DLGAP1: variants seen among roughly 807,000 people sequenced by gnomAD.
DLGAP1 encodes disks large-associated protein 1.
A neutral mutation model predicts 90.8 loss-of-function variants in DLGAP1; 11 were observed. The ratio of observed to expected loss-of-function variants is 0.12; its 90% CI spans 0.08 to 0.20. The LOEUF (loss-of-function observed/expected upper bound fraction) is 0.20. DLGAP1 is among the 10% of genes least tolerant of loss of function. The probability of loss-of-function intolerance (pLI) is 1.00; values close to 1 mark genes in which losing one functional copy is unlikely to be tolerated. For missense variants in DLGAP1, 1,050 were observed against 1,333.8 expected (o/e 0.79, Z 3.31); for synonymous variants, 558 against 540.7 (o/e 1.03, Z -0.44).
At position 4,215,333 on chromosome 18, in the gene DLGAP1, C is replaced by T. The variant is rs567606394; in HGVS notation, c.-266-64046G>A. 2.6e-5 allele frequency among the ~76,000 whole-genome samples: 4 copies of T among 152,246 alleles called. No individual in the cohort carries two copies. In the East Asian group the frequency reaches 5.8e-4, roughly 22 times the overall value. ...GCTATTTTATGCAGCACTTATGTTG[C>T]TACCAATTATCTTTGTCAATATTTA... On this transcript the variant is annotated intron_variant, in intron 1 of 12. Coordinates refer to ENST00000315677, the MANE Select transcript of DLGAP1 (RefSeq NM_004746.4).
chr18:3,905,780 T>C (rs2071893102), intron 3 of DLGAP1, among the ~76,000 whole-genome samples: 1 of 152,206 alleles, frequency 6.6e-6, no homozygotes, highest in Non-Finnish European at 1.5e-5. Flanking sequence ...AGAGATATTC[T>C]GTGAGAAGAG....
At chr18:3,604,591 C>G (rs2057238174) in intron 7 of DLGAP1, among the ~76,000 whole-genome samples, 1 of 152,174 alleles carries the variant, frequency 6.6e-6, no homozygotes, top group Non-Finnish European at 1.5e-5. Context: ...CAAGCCAAAA[C>G]TCAGCATTAT....
chr18:4,234,535 T>C (rs1427869709), intron 1 of DLGAP1, among the ~76,000 whole-genome samples: 2 of 152,158 alleles, frequency 1.3e-5, no homozygotes, highest in Non-Finnish European at 1.5e-5. Context: ...ATAATTTACT[T>C]TGAAAGATTT....
intron 1 of DLGAP1, among the ~76,000 whole-genome samples, chr18:4,191,941 A>G (rs1003010138): frequency 5.9e-5 from 9 of 152,186 alleles, no homozygotes; most frequent in African/African-American, 2.2e-4. Context: ...CACCACATAT[A>G]TGCCCAATAA....
chr18:4,152,130 G>A (rs2076684719), intron 1 of DLGAP1, among the ~76,000 whole-genome samples: 1 of 152,102 alleles, frequency 6.6e-6, no homozygotes, highest in African/African-American at 2.4e-5. Flanking sequence ...CATAGAAAAG[G>A]ACCTGGGTCA....
At chr18:4,234,612 TTTG>T (rs1302818986) in intron 1 of DLGAP1, among the ~76,000 whole-genome samples, 5 of 152,214 alleles carry the variant, frequency 3.3e-5, no homozygotes, top group African/African-American at 1.2e-4. Flanking sequence ...ATACAGGCCT[TTTG>T]TTCTTCAAAT....
rs2059389798 is a variant in DLGAP1 at position 3,653,694 on chromosome 18, A to C, written c.1592-71446T>G. 1 of 152,216 alleles carries C rather than the reference A, an allele frequency of 6.6e-6. No homozygotes were observed. The highest frequency in any genetic ancestry group is 1.5e-5 in the Non-Finnish European group (1 of 68,042). The allele number at this position is 152,216 out of a possible 1,614,324, so 9.4% of individuals were successfully genotyped here. A position where few individuals can be genotyped will look rare whatever the true frequency, so the allele number is the denominator to read the frequency against. On this transcript the variant is annotated intron_variant, in intron 7 of 12. Transcript: ENST00000315677. The surrounding 1 kb of genome is among the most constrained non-coding windows in gnomAD (Gnocchi z 4.6). ...CAATTATTTTTCCTTGAAAAGAATA[A>C]GAGAATCTACCTAAAATATTAATAC...
chr18:3,828,810 AC>A (rs1296151730), intron 4 of DLGAP1, among the ~76,000 whole-genome samples: 1 of 152,114 alleles, frequency 6.6e-6, no homozygotes, highest in African/African-American at 2.4e-5. Context: ...AATATCTATG[AC>A]CCAAAGTCGA....
At chr18:4,235,717 G>GTTTTTTTTT (rs2078395182) in intron 1 of DLGAP1, among the ~76,000 whole-genome samples, 2 of 101,606 alleles carry the variant, frequency 2.0e-5, no homozygotes, top group African/African-American at 7.5e-5. Flanking sequence ...CAATTTCAAT[G>GTTTTTTTTT]TCTTTTTTTT....
At chr18:3,731,271 TTC>T (rs1159460676) in intron 6 of DLGAP1, among the ~76,000 whole-genome samples, 1 of 152,282 alleles carries the variant, frequency 6.6e-6, no homozygotes, top group South Asian at 2.1e-4. Flanking sequence ...AGCAAAATAT[TTC>T]TGTCAAGGTA....
intron 7 of DLGAP1, among the ~76,000 whole-genome samples, chr18:3,639,976 G>C (rs927187617): frequency 6.6e-6 from 1 of 151,292 alleles, no homozygotes; most frequent in Non-Finnish European, 1.5e-5. Flanking sequence ...GGATGGTCTC[G>C]ATCTCCTGAC....
chr18:4,430,504 G>GTGTGTC (rs2083264363), intron 1 of DLGAP1: 1 of 129,464 alleles, frequency 7.7e-6, no homozygotes, highest in Admixed American at 7.2e-5. Flanking sequence ...TTGTGTGTCT[G>GTGTGTC]TGTGTGTGTG....
chr18:4,195,765 C>A (rs893188615), intron 1 of DLGAP1, among the ~76,000 whole-genome samples: 5 of 152,096 alleles, frequency 3.3e-5, no homozygotes, highest in African/African-American at 1.2e-4. Flanking sequence ...GTTGGTCAGG[C>A]TGGTCTCGAA....
At chr18:3,876,524 C>T (rs1485226521) in intron 4 of DLGAP1, among the ~76,000 whole-genome samples, 1 of 152,078 alleles carries the variant, frequency 6.6e-6, no homozygotes, top group Admixed American at 6.6e-5. Context: ...CAATGTAGGA[C>T]AGAATATGTT....
At chr18:3,551,628 T>C (rs1419499992) in intron 9 of DLGAP1, among the ~76,000 whole-genome samples, 9 of 74,970 alleles carry the variant, frequency 1.2e-4, no homozygotes, top group Non-Finnish European at 2.5e-4. Context: ...TTTTTCTTTC[T>C]TTCTTTCCTT....
At chr18:4,050,574 T>C (rs953127581) in intron 2 of DLGAP1, among the ~76,000 whole-genome samples, 2 of 152,228 alleles carry the variant, frequency 1.3e-5, no homozygotes, top group African/African-American at 4.8e-5. Context: ...TAATACTCAA[T>C]GGAAACTTGC....
chr18:4,054,327 T>G (rs1487838509), intron 2 of DLGAP1, among the ~76,000 whole-genome samples: 1 of 152,178 alleles, frequency 6.6e-6, no homozygotes, highest in Non-Finnish European at 1.5e-5. Context: ...TTTTTCTCAA[T>G]AATTTTAATG....
chr18:3,955,509 C>T (rs1599215284), intron 3 of DLGAP1, among the ~76,000 whole-genome samples: 4 of 151,710 alleles, frequency 2.6e-5, no homozygotes, highest in Non-Finnish European at 2.9e-5. Flanking sequence ...GTCAGGAGTT[C>T]GAGGCTAGCC....
At chr18:4,140,585 C>T (rs1240980598) in intron 2 of DLGAP1, among the ~76,000 whole-genome samples, 1 of 151,912 alleles carries the variant, frequency 6.6e-6, no homozygotes, top group Non-Finnish European at 1.5e-5. Flanking sequence ...TACAACACCA[C>T]AGTGTTGTAA....
Sources: gnomAD v4.1 joint callset for allele counts (sites outside exome capture counted in the v4.1 genomes callset) on GRCh38, gnomAD v4.1.1 for gene constraint, Gnocchi (gnomAD v3.1) non-coding constraint, MANE v1.5 for transcripts, NCBI Gene and HGNC (gene_info 2026-07-23, HGNC 2026-07-21) for gene names.